The following MCPH1 variants were observed in gnomAD, a reference collection of about 807,000 sequenced individuals.
MCPH1 encodes microcephalin 1.
MCPH1 carries 104 observed loss-of-function variants against 84.5 expected under a neutral mutation model. That is an observed-to-expected ratio of 1.23 (90% CI 1.05 to 1.45). The LOEUF is 1.45. Among genes scored for constraint, MCPH1 ranks in the 40% most tolerant of loss-of-function variants. The pLI is 0.00. For missense variants in MCPH1, 1,498 were observed against 1,005.7 expected (o/e 1.49, Z -6.62); for synonymous variants, 514 against 366.8 (o/e 1.40, Z -4.58).
chr8:6,406,997 C>G (rs1336761898), intron 1 of MCPH1: 3 of 447,242 alleles, frequency 6.7e-6, no homozygotes, highest in Admixed American at 3.7e-5. Flanking sequence ...TGCCCCAACC[C>G]CCGTGCTGCT....
chr8:6,457,973 T>G (rs996678182), intron 9 of MCPH1, among the ~76,000 whole-genome samples: 1 of 152,066 alleles, frequency 6.6e-6, no homozygotes, highest in Non-Finnish European at 1.5e-5. Context: ...CTGGTGTCAT[T>G]AATATGGGGT....
At chr8:6,573,080 T>G (rs1462568188) in intron 12 of MCPH1, among the ~76,000 whole-genome samples, 3 of 152,046 alleles carry the variant, frequency 2.0e-5, no homozygotes, top group Admixed American at 6.5e-5. Context: ...TAAAATAAAT[T>G]AACAATAATT....
chr8:6,494,224 C>G (rs189362617), intron 11 of MCPH1: 1 of 152,220 alleles, frequency 6.6e-6, no homozygotes, highest in African/African-American at 2.4e-5. Flanking sequence ...CAGATGTGAG[C>G]CACTGCATCC....
intron 9 of MCPH1, among the ~76,000 whole-genome samples, chr8:6,469,953 C>T (rs1050640991): frequency 2.0e-5 from 3 of 152,138 alleles, no homozygotes; most frequent in Non-Finnish European, 4.4e-5. Context: ...TTCATGTGAC[C>T]ACCTTTTTCA....
In MCPH1 at chr8:6,617,534, C is replaced by T. The variant is rs193050300; in HGVS notation, c.2215-3920C>T. 2.6e-4 allele frequency among the ~76,000 whole-genome samples: 40 copies of T among 152,154 alleles called. 1 individual carries two copies. The highest frequency in any genetic ancestry group is 2.0e-4 in the Admixed American group (3 of 15,288). ...AGGTAACAACAAAAATAAAACAACA[C>T]GATGCCACCGAGCCATCGTTCCCCA... On this transcript the variant is annotated intron_variant, in intron 12 of 13. Transcript: ENST00000344683.
chr8:6,464,876 G>C (rs1261164824), intron 9 of MCPH1, among the ~76,000 whole-genome samples: 1 of 152,146 alleles, frequency 6.6e-6, no homozygotes, highest in Non-Finnish European at 1.5e-5. Flanking sequence ...GTACACACCT[G>C]TAGTCCCAGC....
intron 12 of MCPH1, among the ~76,000 whole-genome samples, chr8:6,594,177 G>A (rs1055576074): frequency 2.0e-5 from 3 of 152,348 alleles, no homozygotes; most frequent in African/African-American, 4.8e-5. Flanking sequence ...AGGAGCCCCC[G>A]CTCCCCGTGT....
intron 12 of MCPH1, chr8:6,563,207 G>T: frequency 3.4e-6 from 1 of 293,904 alleles, no homozygotes; most frequent in Non-Finnish European, 6.6e-6. Flanking sequence ...AGCTTTCACG[G>T]TCCTTTGTTC....
chr8:6,481,682 C>G (rs369289475), intron 11 of MCPH1, among the ~76,000 whole-genome samples: 1 of 152,146 alleles, frequency 6.6e-6, no homozygotes, highest in Non-Finnish European at 1.5e-5. Flanking sequence ...GTCTTTTTTC[C>G]GTGTTGTGAC....
chr8:6,504,304 T>G (rs560368080), intron 12 of MCPH1, among the ~76,000 whole-genome samples: 1 of 113,512 alleles, frequency 8.8e-6, no homozygotes, highest in Non-Finnish European at 1.6e-5. Flanking sequence ...GGCGACAGAG[T>G]GAGACTCCAG....
At chr8:6,591,419 C>G (rs1828442919) in intron 12 of MCPH1, among the ~76,000 whole-genome samples, 1 of 152,200 alleles carries the variant, frequency 6.6e-6, no homozygotes, top group African/African-American at 2.4e-5. Flanking sequence ...AACGTGATTT[C>G]TCACTGCTGG....
chr8:6,528,052 T>A (rs1334332619), intron 12 of MCPH1, among the ~76,000 whole-genome samples: 1 of 139,866 alleles, frequency 7.1e-6, no homozygotes, highest in South Asian at 2.3e-4. Context: ...CGTACCACCA[T>A]ACCCAGCTAA....
At chr8:6,627,697 C>G (rs558085447) in intron 13 of MCPH1, among the ~76,000 whole-genome samples, 2 of 152,074 alleles carry the variant, frequency 1.3e-5, no homozygotes, top group African/African-American at 4.8e-5. Flanking sequence ...TCGAGTCCAG[C>G]CTGGGCAACA....
chr8:6,613,290 A>T (rs10110387), intron 12 of MCPH1, among the ~76,000 whole-genome samples: 80,856 of 152,094 alleles, frequency 0.53, 21,955 homozygotes, highest in Middle Eastern at 0.61. Context: ...GAAACAGTGG[A>T]TAGAAACACG....
intron 12 of MCPH1, among the ~76,000 whole-genome samples, chr8:6,505,339 A>AAT (rs1168944488): frequency 9.7e-5 from 5 of 51,330 alleles, no homozygotes; most frequent in African/African-American, 5.6e-4. Context: ...ATATAGAAAG[A>AAT]ATATATATAT....
chr8:6,586,641 C>T (rs17077612), intron 12 of MCPH1, among the ~76,000 whole-genome samples: 29,902 of 152,090 alleles, frequency 0.2, 3,057 homozygotes, highest in South Asian at 0.3. Flanking sequence ...CAGTGAGAGA[C>T]GGCCAGGAGA....
At position 6,647,257 on chromosome 8, in the gene MCPH1, C is replaced by T. The variant is rs114993574; in HGVS notation, c.*4208C>T. On this transcript the variant is annotated 3_prime_UTR_variant, in exon 14 of 14. Coordinates refer to ENST00000344683, the MANE Select transcript of MCPH1 (RefSeq NM_024596.5). ...ACACACCCATTAGAATGACTGTAAA[C>T]AACAAGACTGATAATTCCAACATCT... The T allele has an allele frequency of 1.9e-3, 287 of 152,224 alleles. 2 individuals are homozygous for T. Among genetic ancestry groups the T allele is most frequent in the African/African-American group, 6.2e-3 (259 of 41,536 alleles). 9.4% of individuals were successfully genotyped at this position (152,224 alleles called of 1,614,324 possible).
In MCPH1 at chr8:6,621,247, G is replaced by C. The variant is rs181910560; in HGVS notation, c.2215-207G>C. ...CTAATTTGTTTCCTTGGAGTTTTACGCATGGCTACTTCAGAAAACGTCAGT... is the reference window on the plus strand; with the variant it reads ...CTAATTTGTTTCCTTGGAGTTTTACCCATGGCTACTTCAGAAAACGTCAGT... On this transcript the variant is annotated intron_variant, in intron 12 of 13. Coordinates refer to ENST00000344683, the MANE Select transcript of MCPH1 (RefSeq NM_024596.5). The C allele has an allele frequency of 8.1e-6, 5 of 616,464 alleles. No homozygotes were observed. In the South Asian group the frequency reaches 1.0e-4, roughly 12 times the overall value. 38.2% of individuals were successfully genotyped at this position (616,464 alleles called of 1,614,324 possible). A position where few individuals can be genotyped will look rare whatever the true frequency, so the allele number is the denominator to read the frequency against.
intron 3 of MCPH1, among the ~76,000 whole-genome samples, chr8:6,429,374 G>C (rs893806610): frequency 7.9e-5 from 12 of 151,974 alleles, no homozygotes; most frequent in African/African-American, 2.9e-4. Context: ...CCTCTTTTCA[G>C]CCTTCCACCC....
Sources: allele counts gnomAD v4.1 joint callset (sites outside exome capture counted in the v4.1 genomes callset), GRCh38; gene constraint gnomAD v4.1.1; transcripts MANE v1.5; gene names NCBI Gene and HGNC (gene_info 2026-07-23, HGNC 2026-07-21).